The following MOSMO variants were observed in gnomAD, a reference collection of about 807,000 sequenced individuals.
MOSMO encodes the protein modulator of smoothened, also known as modulator of smoothened protein.
In MOSMO, 5 loss-of-function variants were observed where a neutral mutation model predicts 18.4. The observed-to-expected ratio is 0.27, with a 90% CI of 0.14 to 0.57. The LOEUF (loss-of-function observed/expected upper bound fraction) is 0.57. MOSMO is among the 20% of genes least tolerant of loss of function. The pLI is 0.92. For synonymous variants in MOSMO, 82 were observed against 82.3 expected (o/e 1.00, Z 0.02); for missense variants, 138 against 211.8 (o/e 0.65, Z 2.16).
chr16:22,041,747 G>C (rs1900214171), intron 1 of MOSMO, among the ~76,000 whole-genome samples: 1 of 151,722 alleles, frequency 6.6e-6, no homozygotes, highest in South Asian at 2.1e-4. Context: ...GCTCAGTCAT[G>C]GCTCACTGCA....
chr16:22,009,795 C>G (rs1174525952), intron 1 of MOSMO, among the ~76,000 whole-genome samples: 1 of 62,348 alleles, frequency 1.6e-5, no homozygotes, highest in Non-Finnish European at 2.7e-5. Context: ...CCCGTCTCTA[C>G]TAAAAATACA....
At chr16:22,065,701 C>T (rs568279628) in intron 1 of MOSMO, among the ~76,000 whole-genome samples, 5 of 152,210 alleles carry the variant, frequency 3.3e-5, no homozygotes, top group African/African-American at 1.2e-4. Context: ...CAGGTGTTAT[C>T]TCATTATCTT....
intron 1 of MOSMO, among the ~76,000 whole-genome samples, chr16:22,009,690 G>A (rs895995456): frequency 2.6e-5 from 4 of 151,572 alleles, no homozygotes; most frequent in African/African-American, 9.7e-5. Context: ...GCCGGGCGCG[G>A]TGGCTCACGC....
At chr16:22,079,960 T>C (rs539018690) in intron 2 of MOSMO, among the ~76,000 whole-genome samples, 50 of 152,132 alleles carry the variant, frequency 3.3e-4, no homozygotes, top group African/African-American at 1.2e-3. Flanking sequence ...ATTTTTGTAT[T>C]ATTAGTAGAG....
downstream of MOSMO, among the ~76,000 whole-genome samples, chr16:22,091,187 A>T (rs2141803885): frequency 6.6e-6 from 1 of 151,862 alleles, no homozygotes; most frequent in Non-Finnish European, 1.5e-5. Context: ...GATCTTCCTC[A>T]TTTTCTGCCT....
intron 1 of MOSMO, among the ~76,000 whole-genome samples, chr16:22,048,719 GT>G (rs1379237072): frequency 1.3e-5 from 2 of 151,658 alleles, no homozygotes; most frequent in Non-Finnish European, 2.9e-5. Context: ...ATTATTTATG[GT>G]TTCTTTTGAC....
chr16:22,064,998 A>G (rs1458647960), intron 1 of MOSMO, among the ~76,000 whole-genome samples: 1 of 152,248 alleles, frequency 6.6e-6, no homozygotes, highest in East Asian at 1.9e-4. Context: ...GCAGAGTCAT[A>G]GTGCCATAGT....
chr16:22,066,233 T>G (rs1040752412), intron 1 of MOSMO, among the ~76,000 whole-genome samples: 3 of 147,132 alleles, frequency 2.0e-5, no homozygotes, highest in African/African-American at 7.6e-5. Flanking sequence ...TTATCTTTGT[T>G]TGATCAGATT....
At chr16:22,033,730 GA>G (rs1047550185) in intron 1 of MOSMO, among the ~76,000 whole-genome samples, 32 of 151,880 alleles carry the variant, frequency 2.1e-4, no homozygotes, top group African/African-American at 7.7e-4. Flanking sequence ...TGAGGCAGGA[GA>G]ATGGCATGAA....
In MOSMO at chr16:22,008,299, G is replaced by T. The variant is rs1329597348; in HGVS notation, c.-3G>T. 6.6e-7 allele frequency: 1 copy of T among 1,514,400 alleles called. No homozygotes were observed. Among genetic ancestry groups the T allele is most frequent in the Non-Finnish European group, 8.8e-7 (1 of 1,134,096 alleles). The allele number at this position is 1,514,400 out of a possible 1,614,324, so 93.8% of individuals were successfully genotyped here. A position where few individuals can be genotyped will look rare whatever the true frequency, so the allele number is the denominator to read the frequency against. On this transcript the variant is annotated 5_prime_UTR_variant, in exon 1 of 3. Transcript: ENST00000542527. Reference sequence around the variant, plus strand: ...CGGGGGGTGGGGGGAGCGGGGCGGGGAGATGGATAAACTGACCATCATCTC... The same window carrying T: ...CGGGGGGTGGGGGGAGCGGGGCGGGTAGATGGATAAACTGACCATCATCTC...
At chr16:22,036,401 C>T (rs1469440671) in intron 1 of MOSMO, among the ~76,000 whole-genome samples, 1 of 152,162 alleles carries the variant, frequency 6.6e-6, no homozygotes, top group Non-Finnish European at 1.5e-5. Flanking sequence ...GCTGGGATTA[C>T]AGGCATGAGC....
chr16:22,026,062 C>A (rs1416123547), intron 1 of MOSMO, among the ~76,000 whole-genome samples: 1 of 152,056 alleles, frequency 6.6e-6, no homozygotes, highest in Non-Finnish European at 1.5e-5. Context: ...TTTACAAATT[C>A]TGAGATGACC....
chr16:22,020,042 C>T (rs1045838494), intron 1 of MOSMO, among the ~76,000 whole-genome samples: 6 of 151,462 alleles, frequency 4.0e-5, no homozygotes, highest in Non-Finnish European at 8.8e-5. Context: ...AGAGAAACCC[C>T]ATCTCTACTA....
intron 1 of MOSMO, among the ~76,000 whole-genome samples, chr16:22,042,250 A>G (rs1299112806): frequency 1.3e-5 from 2 of 152,198 alleles, no homozygotes; most frequent in Non-Finnish European, 2.9e-5. Context: ...ATCGCTGAGC[A>G]GCATTAAGAT....
chr16:22,060,729 T>C (rs1900626430), intron 1 of MOSMO, among the ~76,000 whole-genome samples: 1 of 152,058 alleles, frequency 6.6e-6, no homozygotes, highest in Non-Finnish European at 1.5e-5. Flanking sequence ...AAAAGTTAGC[T>C]GGGCTTTATG....
intron 1 of MOSMO, among the ~76,000 whole-genome samples, chr16:22,043,997 A>G (rs1022076182): frequency 1.3e-5 from 2 of 151,870 alleles, no homozygotes; most frequent in Admixed American, 6.6e-5. Context: ...CAGGCAAGAG[A>G]GAATGAGAGA....
At chr16:22,089,002 GAAAAA>G (rs748250714), downstream of MOSMO, among the ~76,000 whole-genome samples, 3 of 135,926 alleles carry the variant, frequency 2.2e-5, no homozygotes, top group Admixed American at 7.4e-5. Context: ...TTTGTTGAGA[GAAAAA>G]AAAAAAAAAG....
chr16:22,081,020 G>GAAA lies in MOSMO; in HGVS notation c.*147_*149dup. 1 of 319,848 alleles carries GAAA rather than the reference G, an allele frequency of 3.1e-6. No individual in the cohort carries two copies. The highest frequency in any genetic ancestry group is 5.5e-6 in the Non-Finnish European group (1 of 182,804). 19.8% of individuals were successfully genotyped at this position (319,848 alleles called of 1,614,324 possible). ...CTCAGATGAAACTGATGCTGAGAAG[G>GAAA]AAAAAAAAATGCTTTGGTTTGTTCT... On this transcript the variant is annotated 3_prime_UTR_variant, in exon 3 of 3. Coordinates refer to ENST00000542527, the MANE Select transcript of MOSMO (RefSeq NM_001164579.2).
intron 1 of MOSMO, among the ~76,000 whole-genome samples, chr16:22,009,486 C>T (rs959815839): frequency 2.6e-5 from 4 of 152,036 alleles, no homozygotes; most frequent in African/African-American, 9.7e-5. Flanking sequence ...CTCCCCTCTT[C>T]CCCCGCCTCT....
Sources: allele counts gnomAD v4.1 joint callset (sites outside exome capture counted in the v4.1 genomes callset), GRCh38; gene constraint gnomAD v4.1.1; transcripts MANE v1.5; gene names NCBI Gene and HGNC (gene_info 2026-07-23, HGNC 2026-07-21).